PCSK6: variants seen among roughly 807,000 people sequenced by gnomAD.
PCSK6 encodes paired basic amino acid cleaving enzyme 4.
In PCSK6, 85 loss-of-function variants were observed where a neutral mutation model predicts 123.3. The observed-to-expected ratio is 0.69, with a 90% confidence interval of 0.58 to 0.83. PCSK6 has a LOEUF of 0.83. Among genes scored for constraint, PCSK6 ranks in the 40% least tolerant of loss-of-function variants. PCSK6 has a pLI of 0.00. For missense variants in PCSK6, 1,191 were observed against 1,282.3 expected, an observed-to-expected ratio of 0.93 and a Z score of 1.09; for synonymous variants, 508 against 516.0, an observed-to-expected ratio of 0.98 and a Z score of 0.21.
rs201378642 is a variant in PCSK6 at position 101,397,899 on chromosome 15, GT to G, written c.996+504del. Reference sequence around the variant, plus strand: ...CCCCTTGTGAGGTTCCCCTGGAGAAGTTCAAAGTGGGCTGGGCTGTGCGCTG... The same window carrying G: ...CCCCTTGTGAGGTTCCCCTGGAGAAGTCAAAGTGGGCTGGGCTGTGCGCTG... On this transcript the variant is annotated intron_variant, in intron 7 of 21. Coordinates refer to ENST00000611716, the MANE Select transcript of PCSK6 (RefSeq NM_002570.5). 6.9e-3 allele frequency among the ~76,000 whole-genome samples: 1,057 copies of G among 152,372 alleles called. 13 individuals are homozygous for G. Among genetic ancestry groups the G allele is most frequent in the African/African-American group, 0.024 (1,002 of 41,582 alleles).
chr15:101,376,086 T>A (rs1348392481), intron 11 of PCSK6, among the ~76,000 whole-genome samples: 1 of 152,054 alleles, frequency 6.6e-6, no homozygotes, highest in African/African-American at 2.4e-5. Flanking sequence ...ATTTTTCACA[T>A]TTTTGTGCTG....
intron 6 of PCSK6, among the ~76,000 whole-genome samples, chr15:101,399,028 G>A (rs1317170394): frequency 6.6e-6 from 1 of 151,930 alleles, no homozygotes; most frequent in African/African-American, 2.4e-5. Flanking sequence ...TCAGCCTCCC[G>A]AGTAGCTGGG....
chr15:101,397,661 C>G (rs1477543424), intron 7 of PCSK6, among the ~76,000 whole-genome samples: 1 of 152,216 alleles, frequency 6.6e-6, no homozygotes, highest in Non-Finnish European at 1.5e-5. Context: ...CTCTGTCTGC[C>G]TGCTCCAAGA....
intron 20 of PCSK6, chr15:101,308,691 TG>T (rs2039780644): frequency 8.9e-6 from 1 of 112,858 alleles, no homozygotes. Context: ...CAGAGGGGGT[TG>T]TGCACTTGTG....
intron 20 of PCSK6, 31 bp downstream of exon 20, chr15:101,313,345 T>C: frequency 3.1e-6 from 5 of 1,612,586 alleles, no homozygotes; most frequent in Non-Finnish European, 4.2e-6. Context: ...TGGACACAGC[T>C]GCCTGCCGTT....
chr15:101,421,564 A>G (rs1182182655), intron 6 of PCSK6, among the ~76,000 whole-genome samples: 3 of 152,206 alleles, frequency 2.0e-5, no homozygotes, highest in African/African-American at 7.2e-5. Flanking sequence ...AAAGAAAGCC[A>G]GCTACCATGT....
At chr15:101,382,610 T>C (rs117363516) in intron 10 of PCSK6, among the ~76,000 whole-genome samples, 295 of 152,254 alleles carry the variant, frequency 1.9e-3, no homozygotes, top group Middle Eastern at 0.01. Context: ...GTTCACACAA[T>C]TACCACGTGC....
chr15:101,335,208 C>G (rs1042427796), intron 13 of PCSK6, among the ~76,000 whole-genome samples: 7 of 152,234 alleles, frequency 4.6e-5, no homozygotes, highest in African/African-American at 1.7e-4. Context: ...GATCCTCCCA[C>G]GTTGGCCTCC....
In PCSK6 at chr15:101,307,214, G is replaced by A. The variant is rs373791454; in HGVS notation, c.2811C>T (p.Asn937=). ...TSCITNHTCS[N]ADETFCEMVK... ...CAGGGTAACCCAGCTGCTGCTCACCGTTGCTGCACGTGTGGTTGGTGATGC... is the reference window on the plus strand; with the variant it reads ...CAGGGTAACCCAGCTGCTGCTCACCATTGCTGCACGTGTGGTTGGTGATGC... The change falls in exon 21 of 22, where the codon AAC becomes AAT. Residue 937 remains asparagine, a splice_region_variant and synonymous_variant. Coordinates refer to ENST00000611716, the MANE Select transcript of PCSK6 (RefSeq NM_002570.5). 38 of 1,610,570 alleles carry A rather than the reference G, an allele frequency of 2.4e-5. No homozygotes were observed. Among genetic ancestry groups the A allele is most frequent in the South Asian group, 8.8e-5 (8 of 90,870 alleles).
At chr15:101,454,423 G>A (rs1031176163) in intron 1 of PCSK6, among the ~76,000 whole-genome samples, 1 of 152,152 alleles carries the variant, frequency 6.6e-6, no homozygotes, top group Non-Finnish European at 1.5e-5. Context: ...AGGGACACAC[G>A]ATGGAATATG....
In PCSK6 at chr15:101,432,064, C is replaced by T. The variant is rs780224444; in HGVS notation, c.439G>A (p.Val147Met). The T allele has an allele frequency of 5.6e-6, 9 of 1,613,736 alleles. No homozygotes were observed. The South Asian group carries it at 9.9e-5, about 18-fold the overall frequency. ...GGGTCACTTCGCACCTGTCTCTTCACCCTTCGTTTCACTTCCTGTTGCTGG... is the reference window on the plus strand; with the variant it reads ...GGGTCACTTCGCACCTGTCTCTTCATCCTTCGTTTCACTTCCTGTTGCTGG... ...WLQQQEVKRR[V>M]KRQVRSDPQA... The change falls in exon 3 of 22, where the codon GTG (valine) becomes ATG (methionine). Residue 147 changes from valine (V) to methionine (M), a missense_variant. Val to Met is a conservative substitution (Grantham distance 21). Transcript: ENST00000611716.
intron 11 of PCSK6, 94 bp from the exon 12 acceptor site, chr15:101,370,617 A>C: frequency 2.5e-6 from 3 of 1,194,440 alleles, no homozygotes; most frequent in Non-Finnish European, 3.3e-6. Flanking sequence ...CTCTATCCCC[A>C]CTGCAGCCTC....
At chr15:101,329,524 A>G (rs2040330523) in intron 15 of PCSK6, among the ~76,000 whole-genome samples, 1 of 152,208 alleles carries the variant, frequency 6.6e-6, no homozygotes, top group South Asian at 2.1e-4. Context: ...AAGCGACCTG[A>G]GGCTTCTGGG....
At chr15:101,361,193 A>T (rs2041212422) in intron 13 of PCSK6, among the ~76,000 whole-genome samples, 1 of 145,126 alleles carries the variant, frequency 6.9e-6, no homozygotes. Context: ...CATATTGATC[A>T]ATTTCTCTTC....
Position 101,393,294 on chromosome 15 carries a change from C to A in PCSK6, c.1127G>T (p.Gly376Val). The part of the protein sequence containing the change: ...TISVSSATEN[G>V]YKPWYLEECA... ...CTCTTCCAGGTACCAGGGCTTGTAG[C>A]CATTCTCGGTGGCGCTGCTGACGGA... is the stretch of plus-strand genomic sequence containing the variant. Residue 376 changes from glycine to valine, a missense_variant, in exon 8 of 22, where the codon GGC becomes GTC. By Grantham distance (109) the Gly-to-Val change is moderately radical. Around this residue, in one of 3 missense-constraint regions of PCSK6, gnomAD observed 357 missense variants for 484.5 expected, o/e 0.74. Coordinates refer to ENST00000611716, the MANE Select transcript of PCSK6 (RefSeq NM_002570.5). 1 of 1,612,920 alleles carries A rather than the reference C, an allele frequency of 6.2e-7. No individual in the cohort carries two copies.
chr15:101,429,886 C>A, intron 5 of PCSK6, 101 bp downstream of exon 5: 1 of 1,008,748 alleles, frequency 9.9e-7, no homozygotes. Flanking sequence ...AGGGAAGATA[C>A]GCCGGCAGCC....
At chr15:101,323,445 T>C (rs2040177734) in intron 17 of PCSK6, among the ~76,000 whole-genome samples, 1 of 152,004 alleles carries the variant, frequency 6.6e-6, no homozygotes, top group African/African-American at 2.4e-5. Context: ...CTAAAGGGAG[T>C]CTGGGACGGG....
At chr15:101,485,518 C>G (rs2057999832) in intron 1 of PCSK6, among the ~76,000 whole-genome samples, 1 of 152,176 alleles carries the variant, frequency 6.6e-6, no homozygotes, top group South Asian at 2.1e-4. Context: ...TCCACTGCAG[C>G]TCTTTCTAAA....
chr15:101,347,071 G>A (rs1435686117), intron 13 of PCSK6: 2 of 1,231,604 alleles, frequency 1.6e-6, no homozygotes, highest in African/African-American at 1.6e-5. Context: ...TTTGGAGAGT[G>A]TGCCAAGTTC....
Sources: gnomAD v4.1 joint callset for allele counts (sites outside exome capture counted in the v4.1 genomes callset) on GRCh38, gnomAD v4.1.1 for gene constraint, gnomAD v4.1.1 regional missense constraint, MANE v1.5 for transcripts, NCBI Gene and HGNC (gene_info 2026-07-23, HGNC 2026-07-21) for gene names.